PRRT3: variants seen among roughly 807,000 people sequenced by gnomAD.
PRRT3 encodes the protein proline-rich transmembrane protein 3.
In PRRT3, 48 loss-of-function variants were observed where a neutral mutation model predicts 56.6. The observed-to-expected ratio is 0.85, with a 90% confidence interval of 0.67 to 1.08. The LOEUF is 1.08. Ranked by LOEUF, PRRT3 falls within the 50% of genes least tolerant of loss-of-function variation. PRRT3 has a pLI of 0.00. For synonymous variants in PRRT3, 641 were observed against 619.1 expected (o/e 1.04, Z -0.52); for missense variants, 1,370 against 1,353.1 (o/e 1.01, Z -0.20).
rs763732888 is a variant in PRRT3 at position 9,950,042 on chromosome 3, G to A, written c.74C>T (p.Ala25Val). ...TGGCCTGGGAAAGCCCCTCCCCAGGGCAGGGCCAGTCCCCAGGAGTGGCAG... is the reference window on the plus strand; with the variant it reads ...TGGCCTGGGAAAGCCCCTCCCCAGGACAGGGCCAGTCCCCAGGAGTGGCAG... Reference protein sequence around the residue: ...LLLPLLGTGPALGRGFPRPLE... With the variant: ...LLLPLLGTGPVLGRGFPRPLE... Residue 25 changes from alanine to valine, a missense_variant, in exon 2 of 4, where the codon GCC becomes GTC. By Grantham distance (64) the Ala-to-Val change is moderately conservative. Coordinates refer to ENST00000412055, the MANE Select transcript of PRRT3 (RefSeq NM_207351.5). 2.6e-6 allele frequency: 4 copies of A among 1,520,276 alleles called. No individual in the cohort carries two copies. The highest frequency in any genetic ancestry group is 3.5e-6 in the Non-Finnish European group (4 of 1,137,434). The allele number at this position is 1,520,276 out of a possible 1,614,324, so 94.2% of individuals were successfully genotyped here.
chr3:9,947,425 A>G lies in PRRT3; in HGVS notation c.1748T>C (p.Val583Ala), dbSNP rs762158398. 1.9e-6 allele frequency: 3 copies of G among 1,612,424 alleles called. No individual in the cohort carries two copies. Among genetic ancestry groups the G allele is most frequent in the Non-Finnish European group, 8.5e-7 (1 of 1,179,664 alleles). The change falls in exon 4 of 4, where the codon GTA (valine) becomes GCA (alanine). Residue 583 changes from valine to alanine, a missense_variant. By Grantham distance (64) the Val-to-Ala change is moderately conservative (BLOSUM62 0). Transcript: ENST00000412055. This position sits in a 1 kb window ranked among gnomAD's most constrained non-coding sequence, Gnocchi z 9.2. ...LLGAVALVHG[V>A]GLLATDLLST... Reference sequence around the variant, plus strand: ...CAGCAGGTCTGTCGCGAGCAACCCTACACCATGCACCAGCGCCACTGCTCC... The same window carrying G: ...CAGCAGGTCTGTCGCGAGCAACCCTGCACCATGCACCAGCGCCACTGCTCC...
chr3:9,951,370 T>G (rs575329316), intron 1 of PRRT3, among the ~76,000 whole-genome samples: 1 of 152,108 alleles, frequency 6.6e-6, no homozygotes. Context: ...TGTTAACCCA[T>G]GGTGGCTCAC....
intron 3 of PRRT3, chr3:9,948,337 C>A (rs1440971865): frequency 2.3e-5 from 8 of 343,300 alleles, no homozygotes; most frequent in African/African-American, 1.7e-4. Flanking sequence ...GAATTTTTTT[C>A]TTTTTTTCTT....
Position 9,950,076 on chromosome 3 carries a change from G to C in PRRT3, c.40C>G (p.Leu14Val). The C allele has an allele frequency of 6.6e-7, 1 of 1,508,724 alleles. No individual in the cohort carries two copies. Among genetic ancestry groups the C allele is most frequent in the East Asian group, 2.3e-5 (1 of 43,798 alleles). 93.5% of individuals were successfully genotyped at this position (1,508,724 alleles called of 1,614,324 possible). Residue 14 changes from leucine (L) to valine (V), a missense_variant, in exon 2 of 4, where the codon CTG becomes GTG. Transcript: ENST00000412055. ...SPWGCVCGLL[L>V]LLLPLLGTGP... ...GTCCCCAGGAGTGGCAGCAGCAACA[G>C]CAGAAGGCCACATACACAGCCCCAT...
intron 3 of PRRT3, chr3:9,948,504 T>TA (rs1055083324): frequency 8.2e-5 from 39 of 475,348 alleles, no homozygotes; most frequent in African/African-American, 6.8e-4. Flanking sequence ...TTTTTATATA[T>TA]TTTTTTTGTT....
Position 9,950,542 on chromosome 3 carries a change from G to T in PRRT3, c.-57-370C>A, listed in dbSNP as rs145894833. Among the ~76,000 whole-genome samples the T allele has an allele frequency of 2.0e-3, 299 of 152,274 alleles. 4 individuals carry two copies. The highest frequency in any genetic ancestry group is 6.8e-3 in the African/African-American group (282 of 41,548). On this transcript the variant is annotated intron_variant, in intron 1 of 3. Coordinates refer to ENST00000412055, the MANE Select transcript of PRRT3 (RefSeq NM_207351.5). ...TTTTGAGACGGAGTCTTGCTCTGTC[G>T]CTCAGGCTGGAGTGCAGTGGCGTGA...
Position 9,949,797 on chromosome 3 carries a change from T to C in PRRT3, c.319A>G (p.Arg107Gly), listed in dbSNP as rs372587314. 203 of 1,614,042 alleles carry C rather than the reference T, an allele frequency of 1.3e-4. 1 individual carries two copies. Among genetic ancestry groups the C allele is most frequent in the Non-Finnish European group, 1.7e-4 (201 of 1,180,026 alleles). ...TCATCAGTTACTGGGAGTCGTTCTC[T>C]CTGAGCTCCTTGTGCTGCTTTGGGC... ...YGPKAAQGAQ[R>G]ERLPVTDDLQ... The change falls in exon 2 of 4, where the codon AGA becomes GGA. Residue 107 changes from arginine (R) to glycine (G), a missense_variant. Coordinates refer to ENST00000412055, the MANE Select transcript of PRRT3 (RefSeq NM_207351.5). This position sits in a 1 kb window ranked among gnomAD's most constrained non-coding sequence, Gnocchi z 4.5.
rs201972402 is a variant in PRRT3 at position 9,948,847 on chromosome 3, G to T, written c.1082C>A (p.Pro361Gln). 1.2e-6 allele frequency: 2 copies of T among 1,612,194 alleles called. No homozygotes were observed. The highest frequency in any genetic ancestry group is 4.5e-5 in the East Asian group (2 of 44,854). Reference sequence around the variant, plus strand: ...AGGGATGAGAGACTTGGGGGTGCCTGGGGCCTCCACAGCTCCTCTCACCCG... The same window carrying T: ...AGGGATGAGAGACTTGGGGGTGCCTTGGGCCTCCACAGCTCCTCTCACCCG... ...PQRVRGAVEA[P>Q]GTPKSLIPGP... Residue 361 changes from proline to glutamine, a missense_variant, in exon 3 of 4, where the codon CCA (proline) becomes CAA (glutamine). Pro to Gln is a moderately conservative substitution (Grantham distance 76). Transcript: ENST00000412055.
rs1559343897 is a variant in PRRT3, at chr3:9,949,261, C to CGGCA, written c.851_854dup (p.Val286AlafsTer3). 1 of 1,602,968 alleles carries CGGCA rather than the reference C, an allele frequency of 6.2e-7. No individual in the cohort carries two copies. Among genetic ancestry groups the CGGCA allele is most frequent in the East Asian group, 2.2e-5 (1 of 44,748 alleles). ...CGCCAGCCCTCTTGGGGGTCTCAAC[C>CGGCA]GGCAGCTCCTCAGCAGGAGGAAGGC... On this transcript the variant is annotated frameshift_variant, in exon 2 of 4. Coordinates refer to ENST00000412055, the MANE Select transcript of PRRT3 (RefSeq NM_207351.5). LOFTEE classifies it high-confidence loss of function. The surrounding 1 kb of genome is among the most constrained non-coding windows in gnomAD (Gnocchi z 4.5).
chr3:9,949,343 A>G lies in PRRT3; in HGVS notation c.773T>C (p.Val258Ala), dbSNP rs780793291. ...TGGCTCCTGAGAGTACACCACCTCAACTGGGGGTACTGAGCCAACATCAGG... is the reference window on the plus strand; with the variant it reads ...TGGCTCCTGAGAGTACACCACCTCAGCTGGGGGTACTGAGCCAACATCAGG... ...AAPDVGSVPPVEVVYSQEPGA... is the reference protein window; with the variant it reads ...AAPDVGSVPPAEVVYSQEPGA... The change falls in exon 2 of 4, where the codon GTT becomes GCT. Residue 258 changes from valine (V) to alanine (A), a missense_variant. Physicochemically the swap from Val to Ala is moderately conservative, Grantham distance 64. Transcript: ENST00000412055. The surrounding 1 kb of genome is among the most constrained non-coding windows in gnomAD (Gnocchi z 4.5). The G allele has an allele frequency of 5.6e-6, 9 of 1,614,016 alleles. No individual in the cohort carries two copies. The highest frequency in any genetic ancestry group is 7.6e-6 in the Non-Finnish European group (9 of 1,180,040).
In PRRT3 at chr3:9,946,512, G is replaced by C; in HGVS notation, c.2661C>G (p.His887Gln). ...CTGCCCCGTCGGGTGCTTCCACTAC[G>C]TGCTGTGGGACCGGCCCGCGCACGC... ...DVRVRGPVPQ[H>Q]VVEAPDGAAA... is the part of the protein sequence containing the mutation. Residue 887 changes from histidine to glutamine, a missense_variant, in exon 4 of 4, where the codon CAC (histidine) becomes CAG (glutamine). Coordinates refer to ENST00000412055, the MANE Select transcript of PRRT3 (RefSeq NM_207351.5). This position sits in a 1 kb window ranked among gnomAD's most constrained non-coding sequence, Gnocchi z 4.1. 1 of 1,521,918 alleles carries C rather than the reference G, an allele frequency of 6.6e-7. No individual in the cohort carries two copies. The highest frequency in any genetic ancestry group is 8.8e-7 in the Non-Finnish European group (1 of 1,133,400). 94.3% of individuals were successfully genotyped at this position (1,521,918 alleles called of 1,614,324 possible).
Position 9,947,108 on chromosome 3 carries a change from A to C in PRRT3, c.2065T>G (p.Trp689Gly), listed in dbSNP as rs1490152568. 7 of 1,537,918 alleles carry C rather than the reference A, an allele frequency of 4.6e-6. No homozygotes were observed. The highest frequency in any genetic ancestry group is 4.4e-6 in the Non-Finnish European group (5 of 1,147,408). Residue 689 changes from tryptophan to glycine, a missense_variant, in exon 4 of 4, where the codon TGG (tryptophan) becomes GGG (glycine). Transcript: ENST00000412055. This position sits in a 1 kb window ranked among gnomAD's most constrained non-coding sequence, Gnocchi z 9.2. The stretch of plus-strand genomic sequence containing the variant: ...GCGGCCAACGCCAGGGCGAGCGCCC[A>C]TGTCAGCTCCAGGAGGCGCAGCCAG... ...HFWLRLLELT[W>G]ALALALAAVA...
chr3:9,946,659 G>A lies in PRRT3; in HGVS notation c.2514C>T (p.Gly838=). 1 of 1,400,776 alleles carries A rather than the reference G, an allele frequency of 7.1e-7. No individual in the cohort carries two copies. The highest frequency in any genetic ancestry group is 1.6e-5 in the South Asian group (1 of 63,012). 86.8% of individuals were successfully genotyped at this position (1,400,776 alleles called of 1,614,324 possible). The change falls in exon 4 of 4, where the codon GGC becomes GGT. Residue 838 remains glycine (G), a synonymous_variant. Coordinates refer to ENST00000412055, the MANE Select transcript of PRRT3 (RefSeq NM_207351.5). The surrounding 1 kb of genome is among the most constrained non-coding windows in gnomAD (Gnocchi z 4.1). ...CGCCTCCAGGCGGCGGGGAGGCCAG[G>A]CCGCGGAGGCCGCAGCGCTGGAACA... ...DSVFQRCGLR[G]LASPPPGGAL... is the part of the protein sequence containing the mutation.
rs1388509619 is a variant in PRRT3, at chr3:9,946,589, C to T, written c.2584G>A (p.Asp862Asn). 2.9e-6 allele frequency: 4 copies of T among 1,401,976 alleles called. No homozygotes were observed. The highest frequency in any genetic ancestry group is 3.7e-6 in the Non-Finnish European group (4 of 1,082,618). 86.8% of individuals were successfully genotyped at this position (1,401,976 alleles called of 1,614,324 possible). A position where few individuals can be genotyped will look rare whatever the true frequency, so the allele number is the denominator to read the frequency against. The change falls in exon 4 of 4, where the codon GAC becomes AAC. Residue 862 changes from aspartate (D) to asparagine (N), a missense_variant. By Grantham distance (23) the Asp-to-Asn change is conservative. Coordinates refer to ENST00000412055, the MANE Select transcript of PRRT3 (RefSeq NM_207351.5). The surrounding 1 kb of genome is among the most constrained non-coding windows in gnomAD (Gnocchi z 4.1). The part of the protein sequence containing the change: ...RGSHPKAELD[D>N]AGSSLLRGRC... Reference sequence around the variant, plus strand: ...CCGCGGAGGAGCGAGGAGCCAGCGTCGTCGAGCTCGGCTTTGGGATGGCTG... The same window carrying T: ...CCGCGGAGGAGCGAGGAGCCAGCGTTGTCGAGCTCGGCTTTGGGATGGCTG...
At chr3:9,948,946 A>T (rs1278156803) in intron 2 of PRRT3, 33 bp from the exon 3 acceptor site, 1 of 1,539,084 alleles carries the variant, frequency 6.5e-7, no homozygotes, top group African/African-American at 1.4e-5. Flanking sequence ...ACCTTACCTG[A>T]CCCTCCTATG....
Position 9,949,223 on chromosome 3 carries a change from C to A in PRRT3, c.893G>T (p.Trp298Leu). 6.2e-7 allele frequency: 1 copy of A among 1,604,528 alleles called. No individual in the cohort carries two copies. Among genetic ancestry groups the A allele is most frequent in the South Asian group, 1.1e-5 (1 of 89,554 alleles). The stretch of plus-strand genomic sequence containing the variant: ...CGGGGGACCTGGGGAGCTGACTTCC[C>A]AGGACACCTCAGCGCCAGCCCTCTT... ...TPKRAGAEVS[W>L]EVSSPGPPPK... is the part of the protein sequence containing the mutation. Residue 298 changes from tryptophan (W) to leucine (L), a missense_variant, in exon 2 of 4, where the codon TGG (tryptophan) becomes TTG (leucine). Trp to Leu is a moderately conservative substitution (Grantham distance 61). Coordinates refer to ENST00000412055, the MANE Select transcript of PRRT3 (RefSeq NM_207351.5). This position sits in a 1 kb window ranked among gnomAD's most constrained non-coding sequence, Gnocchi z 4.5.
intron 3 of PRRT3, chr3:9,948,311 C>T (rs1233133332): frequency 5.7e-6 from 2 of 352,564 alleles, no homozygotes; most frequent in Non-Finnish European, 1.0e-5. Flanking sequence ...TTTCTTGGGA[C>T]GTGGCTTGGG....
Position 9,947,582 on chromosome 3 carries a change from G to C in PRRT3, c.1591C>G (p.Arg531Gly). 1.3e-6 allele frequency: 2 copies of C among 1,588,312 alleles called. No individual in the cohort carries two copies. Among genetic ancestry groups the C allele is most frequent in the Non-Finnish European group, 1.7e-6 (2 of 1,169,752 alleles). The change falls in exon 4 of 4, where the codon CGG becomes GGG. Residue 531 changes from arginine (R) to glycine (G), a missense_variant. Arg to Gly is a moderately radical substitution (Grantham distance 125, BLOSUM62 -2). Transcript: ENST00000412055. The surrounding 1 kb of genome is among the most constrained non-coding windows in gnomAD (Gnocchi z 9.2). ...MLTDPYGSQARLGVRGGLVLY... is the reference protein window; with the variant it reads ...MLTDPYGSQAGLGVRGGLVLY... Reference sequence around the variant, plus strand: ...ACCAGGCCCCCGCGAACGCCCAGCCGCGCCTGCGAGCCGTAAGGGTCGGTA... The same window carrying C: ...ACCAGGCCCCCGCGAACGCCCAGCCCCGCCTGCGAGCCGTAAGGGTCGGTA...
chr3:9,949,425 C>T lies in PRRT3; in HGVS notation c.691G>A (p.Glu231Lys). 1 of 1,614,124 alleles carries T rather than the reference C, an allele frequency of 6.2e-7. No homozygotes were observed. The highest frequency in any genetic ancestry group is 8.5e-7 in the Non-Finnish European group (1 of 1,180,010). ...CCTTGAGCTGCCTCCTGCAAGTGTT[C>T]CTCAAACCCACCCTGTCCTTCCAGC... Reference protein sequence around the residue: ...PVLEGQGGFEEHLQEAAQGPH... With the variant: ...PVLEGQGGFEKHLQEAAQGPH... The change falls in exon 2 of 4, where the codon GAA becomes AAA. Residue 231 changes from glutamate to lysine, a missense_variant. By Grantham distance (56) the Glu-to-Lys change is moderately conservative (BLOSUM62 1). Transcript: ENST00000412055. The surrounding 1 kb of genome is among the most constrained non-coding windows in gnomAD (Gnocchi z 4.5).
Sources: allele counts gnomAD v4.1 joint callset (sites outside exome capture counted in the v4.1 genomes callset), GRCh38; gene constraint gnomAD v4.1.1; non-coding constraint Gnocchi (gnomAD v3.1); transcripts MANE v1.5; gene names NCBI Gene and HGNC (gene_info 2026-07-23, HGNC 2026-07-21).